Variants in TET1 observed in about 807,000 individuals in gnomAD.
The protein encoded by TET1 is methylcytosine dioxygenase TET1.
A neutral mutation model predicts 148.7 loss-of-function variants in TET1; 13 were observed. The observed-to-expected ratio is 0.09, with a 90% CI of 0.06 to 0.14. The LOEUF (loss-of-function observed/expected upper bound fraction) is 0.14, where lower values mean the gene tolerates loss of function less well. Ranked by LOEUF, TET1 falls within the 10% of genes least tolerant of loss-of-function variation. The pLI, the probability that TET1 is intolerant of heterozygous loss-of-function variation, is 1.00. For missense variants in TET1, 2,182 were observed against 2,553.8 expected (o/e 0.85, Z 3.14); for synonymous variants, 907 against 937.2 (o/e 0.97, Z 0.59).
At chr10:68,575,744 G>A (rs184275201) in intron 2 of TET1, among the ~76,000 whole-genome samples, 4,339 of 151,004 alleles carry the variant, frequency 0.029, 192 homozygotes, top group African/African-American at 0.1. Flanking sequence ...TAAATAGGCC[G>A]GGCGCGGTGG....
chr10:68,686,294 T>A, intron 10 of TET1, 62 bp from the exon 11 acceptor site: 3 of 1,394,808 alleles, frequency 2.2e-6, no homozygotes, highest in Non-Finnish European at 2.9e-6. Context: ...AAGGTAGGAA[T>A]AGCCACAATG....
Position 68,667,217 on chromosome 10 carries a change from A to G in TET1, c.4634A>G (p.Asn1545Ser). Residue 1545 changes from asparagine (N) to serine (S), a missense_variant, in exon 7 of 12, where the codon AAT becomes AGT. By Grantham distance (46) the Asn-to-Ser change is conservative. This residue lies in a region of TET1 where 169 missense variants were observed against 263.7 expected (regional missense o/e 0.64). Transcript: ENST00000373644. The stretch of plus-strand genomic sequence containing the variant: ...CTCACAGAGAATCTAAAGTCATACA[A>G]TGGGCACCCTACCGACAGAAGATGC... ...TELTENLKSY[N>S]GHPTDRRCTL... 1 of 1,614,062 alleles carries G rather than the reference A, an allele frequency of 6.2e-7. No individual in the cohort carries two copies. Among genetic ancestry groups the G allele is most frequent in the Non-Finnish European group, 8.5e-7 (1 of 1,179,988 alleles).
intron 6 of TET1, among the ~76,000 whole-genome samples, chr10:68,658,494 C>A (rs1463928995): frequency 2.6e-5 from 4 of 152,172 alleles, no homozygotes; most frequent in Non-Finnish European, 5.9e-5. Context: ...AATGATCACA[C>A]ACAAAAAGTC....
At chr10:68,681,963 G>A (rs1227074718) in intron 9 of TET1, among the ~76,000 whole-genome samples, 5 of 45,132 alleles carry the variant, frequency 1.1e-4, no homozygotes, top group Non-Finnish European at 2.2e-4. Context: ...GCAAGACTCT[G>A]TCTCAAAAAA....
At chr10:68,588,643 G>C (rs1184119070) in intron 2 of TET1, among the ~76,000 whole-genome samples, 1 of 152,112 alleles carries the variant, frequency 6.6e-6, no homozygotes, top group Non-Finnish European at 1.5e-5. Flanking sequence ...AGAGATGTGA[G>C]CATCTTCTAG....
At chr10:68,587,972 C>T (rs576739472) in intron 2 of TET1, among the ~76,000 whole-genome samples, 19 of 152,180 alleles carry the variant, frequency 1.2e-4, no homozygotes, top group South Asian at 4.2e-4. Flanking sequence ...AAGAGATTCT[C>T]GTGCCTCAGC....
At chr10:68,624,676 C>CTT (rs2054444145) in intron 3 of TET1, among the ~76,000 whole-genome samples, 4 of 113,942 alleles carry the variant, frequency 3.5e-5, no homozygotes, top group East Asian at 2.5e-4. Flanking sequence ...CTCTCTCTCT[C>CTT]TCTCTCTCTC....
chr10:68,652,434 A>G, intron 5 of TET1, 67 bp from the exon 6 acceptor site: 1 of 1,194,928 alleles, frequency 8.4e-7, no homozygotes. Flanking sequence ...AAGATGTTCA[A>G]AGCCAAAGCC....
chr10:68,588,110 G>A (rs1194317947), intron 2 of TET1, among the ~76,000 whole-genome samples: 15 of 152,174 alleles, frequency 9.9e-5, no homozygotes, highest in African/African-American at 3.1e-4. Context: ...TGATCCACCC[G>A]CCTGGGCCTC....
Position 68,573,473 on chromosome 10 carries a change from C to G in TET1, c.1135C>G (p.Pro379Ala). The G allele has an allele frequency of 1.2e-6, 2 of 1,614,182 alleles. No individual in the cohort carries two copies. Among genetic ancestry groups the G allele is most frequent in the Admixed American group, 1.7e-5 (1 of 60,022 alleles). ...TGCTATCCCACATCAATGGGAACTT[C>G]CTGGTGCTGACCCAGTTCATGGTGA... ...FGAIPHQWELPGADPVHGEAL... is the reference protein window; with the variant it reads ...FGAIPHQWELAGADPVHGEAL... The change falls in exon 2 of 12, where the codon CCT (proline) becomes GCT (alanine). Residue 379 changes from proline to alanine, a missense_variant. By Grantham distance (27) the Pro-to-Ala change is conservative (BLOSUM62 -1). This residue lies in a region of TET1 where 665 missense variants were observed against 672.4 expected (regional missense o/e 0.99). Coordinates refer to ENST00000373644, the MANE Select transcript of TET1 (RefSeq NM_030625.3).
At chr10:68,635,164 C>A (rs12415177) in intron 3 of TET1, among the ~76,000 whole-genome samples, 3 of 151,414 alleles carry the variant, frequency 2.0e-5, no homozygotes, top group African/African-American at 7.3e-5. Flanking sequence ...ACTGGAATTA[C>A]TAGGTTTTTC....
intron 3 of TET1, among the ~76,000 whole-genome samples, chr10:68,620,780 T>G (rs886684757): frequency 1.3e-5 from 2 of 152,200 alleles, no homozygotes; most frequent in African/African-American, 4.8e-5. Context: ...TCCTTTTATG[T>G]TCCCACTACC....
chr10:68,580,436 C>G (rs2053781068), intron 2 of TET1, among the ~76,000 whole-genome samples: 2 of 148,840 alleles, frequency 1.3e-5, no homozygotes, highest in Non-Finnish European at 3.0e-5. Flanking sequence ...TCACCCACCT[C>G]AGCCTCCCAG....
intron 6 of TET1, among the ~76,000 whole-genome samples, chr10:68,654,670 G>T (rs867272691): frequency 6.6e-6 from 1 of 152,114 alleles, no homozygotes; most frequent in Non-Finnish European, 1.5e-5. Flanking sequence ...AGAACCAGGT[G>T]GGGGTAAAAA....
chr10:68,589,890 T>C (rs1289088606), intron 2 of TET1, among the ~76,000 whole-genome samples: 1 of 152,138 alleles, frequency 6.6e-6, no homozygotes, highest in African/African-American at 2.4e-5. Context: ...CAGGCTGGTC[T>C]CGTACTCCTG....
chr10:68,685,816 T>C (rs534124382), intron 10 of TET1, among the ~76,000 whole-genome samples: 157 of 152,184 alleles, frequency 1.0e-3, no homozygotes, highest in African/African-American at 3.7e-3. Flanking sequence ...AGAGCAGTAA[T>C]AGAACAGAAA....
At chr10:68,570,850 G>A (rs1018878788) in intron 1 of TET1, among the ~76,000 whole-genome samples, 1 of 151,288 alleles carries the variant, frequency 6.6e-6, no homozygotes, top group Admixed American at 6.6e-5. Context: ...AGGCAGGATG[G>A]TCTCGATCTC....
intron 7 of TET1, among the ~76,000 whole-genome samples, chr10:68,671,256 A>G (rs1158017415): frequency 6.6e-6 from 1 of 152,182 alleles, no homozygotes; most frequent in African/African-American, 2.4e-5. Flanking sequence ...GGGTCCATGA[A>G]TTCTCATCAC....
intron 2 of TET1, among the ~76,000 whole-genome samples, chr10:68,576,144 A>T (rs924061411): frequency 2.0e-5 from 3 of 151,948 alleles, no homozygotes; most frequent in African/African-American, 4.8e-5. Context: ...TCACTTGAGG[A>T]GTTCGAGACC....
Sources: allele counts gnomAD v4.1 joint callset (sites outside exome capture counted in the v4.1 genomes callset), GRCh38; gene constraint gnomAD v4.1.1; regional missense constraint gnomAD v4.1.1; transcripts MANE v1.5; gene names NCBI Gene and HGNC (gene_info 2026-07-23, HGNC 2026-07-21).